Variants in ADGRV1 observed in about 807,000 individuals in gnomAD.
The protein encoded by ADGRV1 is adhesion G protein-coupled receptor V1.
In ADGRV1, 359 loss-of-function variants were observed where a neutral mutation model predicts 596.2. The ratio of observed to expected loss-of-function variants is 0.60; its 90% confidence interval spans 0.55 to 0.66. The LOEUF is 0.66. Among genes scored for constraint, ADGRV1 ranks in the 30% least tolerant of loss-of-function variants. ADGRV1 has a pLI of 0.00. For synonymous variants in ADGRV1, 2,681 were observed against 2,679.2 expected (o/e 1.00, Z -0.02); for missense variants, 7,274 against 7,575.6 (o/e 0.96, Z 1.48).
rs1460673776 is a variant in ADGRV1 at position 90,690,012 on chromosome 5, A to T, written c.6642A>T (p.Arg2214Ser). The T allele has an allele frequency of 1.2e-6, 2 of 1,602,938 alleles. No individual in the cohort carries two copies. Among genetic ancestry groups the T allele is most frequent in the South Asian group, 1.1e-5 (1 of 89,138 alleles). ...QLMNETTGGA[R>S]LGALTEAVII... ...TGAATGAAACAACAGGAGGAGCCAG[A>T]CTAGGGGCTTTAACAGAGGCAGTCA... The change falls in exon 30 of 90, where the codon AGA becomes AGT. Residue 2214 changes from arginine to serine, a missense_variant. Physicochemically the swap from Arg to Ser is moderately radical, Grantham distance 110. Coordinates refer to ENST00000405460, the MANE Select transcript of ADGRV1 (RefSeq NM_032119.4).
intron 40 of ADGRV1, 24 bp from the exon 41 acceptor site, chr5:90,711,160 T>G (rs1381457263): frequency 6.3e-7 from 1 of 1,589,276 alleles, no homozygotes; most frequent in Admixed American, 1.8e-5. Context: ...TTTTGTTTGT[T>G]TTTGTTTTTT....
At chr5:91,032,347 G>A (rs1314618193) in intron 85 of ADGRV1, among the ~76,000 whole-genome samples, 2 of 152,140 alleles carry the variant, frequency 1.3e-5, no homozygotes, top group African/African-American at 2.4e-5. Context: ...AAATATAAAC[G>A]GAAGCAGAGT....
intron 69 of ADGRV1, 29 bp from the exon 70 acceptor site, chr5:90,790,844 C>T (rs1759988145): frequency 6.9e-7 from 1 of 1,453,190 alleles, no homozygotes; most frequent in African/African-American, 1.4e-5. Context: ...AATTATATAA[C>T]TTTGTTGAGT....
At chr5:90,915,899 T>C (rs1306389267) in intron 83 of ADGRV1, among the ~76,000 whole-genome samples, 1 of 152,248 alleles carries the variant, frequency 6.6e-6, no homozygotes, top group African/African-American at 2.4e-5. Context: ...TGGCCATACC[T>C]AACATAATTT....
Position 91,072,722 on chromosome 5 carries a change from C to T in ADGRV1, c.18310+118C>T, listed in dbSNP as rs2151395467. ...TCGGCTCATCTTTCAGCTCTGAAGC[C>T]ACAAGTTAAGCTATAGCTCTCCAGT... On this transcript the variant is annotated intron_variant, in intron 86 of 89. Transcript: ENST00000405460. The T allele has an allele frequency of 3.0e-6, 3 of 1,010,400 alleles. No individual in the cohort carries two copies. The South Asian group carries it at 4.7e-5, about 16-fold the overall frequency. The allele number at this position is 1,010,400 out of a possible 1,614,324, so 62.6% of individuals were successfully genotyped here.
At chr5:90,851,134 T>TGTGTGTGTGTGTGTGTGTGAGAGAGA (rs757909771) in intron 79 of ADGRV1, among the ~76,000 whole-genome samples, 3 of 81,444 alleles carry the variant, frequency 3.7e-5, no homozygotes, top group Non-Finnish European at 7.9e-5. Flanking sequence ...TGTGTGTGTG[T>TGTGTGTGTGTGTGTGTGTGAGAGAGA]GAGAGAGAGA....
chr5:90,890,465 CA>C (rs547112163), intron 83 of ADGRV1, among the ~76,000 whole-genome samples: 454 of 152,220 alleles, frequency 3.0e-3, no homozygotes, highest in Non-Finnish European at 3.9e-3. Flanking sequence ...CTGCTAGTTA[CA>C]GGACCTTGAC....
chr5:91,155,508 T>A (rs1238769550), intron 89 of ADGRV1, among the ~76,000 whole-genome samples: 1 of 152,186 alleles, frequency 6.6e-6, no homozygotes, highest in Non-Finnish European at 1.5e-5. Context: ...CTATTCATAG[T>A]CATTCCGCAA....
chr5:90,779,169 A>G, intron 64 of ADGRV1, 72 bp downstream of exon 64: 1 of 852,466 alleles, frequency 1.2e-6, no homozygotes, highest in South Asian at 1.7e-5. Context: ...TATTGTGTAG[A>G]GATTAATACT....
intron 50 of ADGRV1, among the ~76,000 whole-genome samples, chr5:90,741,374 C>CA (rs2149889945): frequency 1.6e-5 from 1 of 63,114 alleles, no homozygotes; most frequent in East Asian, 5.7e-4. Flanking sequence ...ACTTGAGTGA[C>CA]TTATCATTCA....
chr5:90,647,432 A>G (rs186807380), intron 16 of ADGRV1, 66 bp from the exon 17 acceptor site: 40 of 1,512,136 alleles, frequency 2.6e-5, no homozygotes, highest in Admixed American at 5.9e-5. Context: ...GAGAAGCACA[A>G]TGTGATCTGA....
intron 16 of ADGRV1, among the ~76,000 whole-genome samples, chr5:90,646,777 T>TC (rs774835699): frequency 0.15 from 21,914 of 141,562 alleles, 1,697 homozygotes; most frequent in East Asian, 0.34. Context: ...TTCTTCTTCT[T>TC]TTTTTTTTTT....
chr5:91,068,649 T>C (rs1297069196), intron 85 of ADGRV1, among the ~76,000 whole-genome samples: 1 of 152,002 alleles, frequency 6.6e-6, no homozygotes, highest in Non-Finnish European at 1.5e-5. Context: ...CACAAACAAT[T>C]GGAAAAGCAT....
intron 75 of ADGRV1, 47 bp from the exon 76 acceptor site, chr5:90,823,378 G>A: frequency 6.4e-7 from 1 of 1,573,214 alleles, no homozygotes; most frequent in Non-Finnish European, 8.7e-7. Flanking sequence ...TATTAGACAT[G>A]GGGATGACAC....
At chr5:90,604,892 A>C (rs532916014) in intron 1 of ADGRV1, among the ~76,000 whole-genome samples, 34 of 152,266 alleles carry the variant, frequency 2.2e-4, no homozygotes, top group African/African-American at 7.9e-4. Context: ...GTGCTTTGCA[A>C]ATGTGGGAGA....
intron 45 of ADGRV1, among the ~76,000 whole-genome samples, 167 bp downstream of exon 45, chr5:90,721,226 CAT>C (rs1283858212): frequency 6.6e-6 from 1 of 152,004 alleles, no homozygotes; most frequent in Non-Finnish European, 1.5e-5. Flanking sequence ...GCTGGGCGCT[CAT>C]GTGTTGAGGC....
intron 65 of ADGRV1, among the ~76,000 whole-genome samples, chr5:90,782,597 G>A (rs776173719): frequency 2.0e-5 from 3 of 151,996 alleles, no homozygotes; most frequent in Non-Finnish European, 4.4e-5. Context: ...AAACATTGAA[G>A]ACACATTTTC....
chr5:90,687,888 C>G (rs148882708), intron 29 of ADGRV1, among the ~76,000 whole-genome samples: 3,238 of 151,990 alleles, frequency 0.021, 109 homozygotes, highest in African/African-American at 0.075. Context: ...CACTGCTCAA[C>G]GAAATAAAAG....
In ADGRV1 at chr5:90,711,078, G is replaced by A; in HGVS notation, c.8903+19G>A. 3 of 1,593,366 alleles carry A rather than the reference G, an allele frequency of 1.9e-6. No homozygotes were observed. Among genetic ancestry groups the A allele is most frequent in the Non-Finnish European group, 2.6e-6 (3 of 1,166,100 alleles). On this transcript the variant is annotated intron_variant, in intron 40 of 89. Transcript: ENST00000405460. ...AAAGCAGGTAAGGCCAAGGCTGCATGAGAGCCCTCTTCTGGGTTTCATATT... is the reference window on the plus strand; with the variant it reads ...AAAGCAGGTAAGGCCAAGGCTGCATAAGAGCCCTCTTCTGGGTTTCATATT...
Sources: gnomAD v4.1 joint callset for allele counts (sites outside exome capture counted in the v4.1 genomes callset) on GRCh38, gnomAD v4.1.1 for gene constraint, MANE v1.5 for transcripts, NCBI Gene and HGNC (gene_info 2026-07-23, HGNC 2026-07-21) for gene names.